Variants in OTUD3 observed in about 807,000 individuals in gnomAD.
OTUD3 encodes OTU domain-containing protein 3.
OTUD3 carries 24 observed loss-of-function variants against 46.2 expected under a neutral mutation model. That is an observed-to-expected ratio of 0.52 (90% CI 0.38 to 0.73). OTUD3 has a LOEUF of 0.73. OTUD3 is among the 30% of genes least tolerant of loss of function. The probability of loss-of-function intolerance (pLI) is 0.00; values close to 1 mark genes in which losing one functional copy is unlikely to be tolerated. For synonymous variants in OTUD3, 189 were observed against 195.4 expected (o/e 0.97, Z 0.27); for missense variants, 455 against 523.3 (o/e 0.87, Z 1.27).
chr1:19,892,169 G>A (rs764327191), intron 2 of OTUD3, among the ~76,000 whole-genome samples: 2 of 152,186 alleles, frequency 1.3e-5, no homozygotes, highest in Non-Finnish European at 2.9e-5. Flanking sequence ...ATGTCACTAT[G>A]CATGCCTGTT....
chr1:19,908,319 C>T lies in OTUD3; in HGVS notation c.*573C>T, dbSNP rs1327075785. 6.6e-6 allele frequency: 1 copy of T among 152,344 alleles called. No individual in the cohort carries two copies. The highest frequency in any genetic ancestry group is 6.5e-5 in the Admixed American group (1 of 15,286). The allele number at this position is 152,344 out of a possible 1,614,324, so 9.4% of individuals were successfully genotyped here. A position where few individuals can be genotyped will look rare whatever the true frequency, so the allele number is the denominator to read the frequency against. ...AAAGTTACGTGAGGGTTGTGGCCTG[C>T]AGTCAGGATGGAAATTAACCGCATT... is the stretch of plus-strand genomic sequence containing the variant. On this transcript the variant is annotated 3_prime_UTR_variant, in exon 8 of 8. Coordinates refer to ENST00000375120, the MANE Select transcript of OTUD3 (RefSeq NM_015207.2).
chr1:19,899,343 G>A (rs956151925), intron 4 of OTUD3, among the ~76,000 whole-genome samples: 15 of 152,092 alleles, frequency 9.9e-5, no homozygotes, highest in African/African-American at 3.6e-4. Flanking sequence ...CCCACCACTA[G>A]TTGTAGCATC....
In OTUD3 at chr1:19,912,868, A is replaced by C. The variant is rs1245713449; in HGVS notation, c.*5122A>C. ...GTTTTTAATCTTCGATACTTGGTGCAATAGAAGCTGCAAAGATGTGCCACT... is the reference window on the plus strand; with the variant it reads ...GTTTTTAATCTTCGATACTTGGTGCCATAGAAGCTGCAAAGATGTGCCACT... On this transcript the variant is annotated 3_prime_UTR_variant, in exon 8 of 8. Transcript: ENST00000375120. The C allele has an allele frequency of 1.3e-5, 2 of 152,372 alleles. No homozygotes were observed. Among genetic ancestry groups the C allele is most frequent in the Non-Finnish European group, 2.9e-5 (2 of 68,044 alleles). The allele number at this position is 152,372 out of a possible 1,614,324, so 9.4% of individuals were successfully genotyped here.
At chr1:19,899,153 T>C (rs2045555715) in intron 4 of OTUD3, among the ~76,000 whole-genome samples, 1 of 152,178 alleles carries the variant, frequency 6.6e-6, no homozygotes, top group Non-Finnish European at 1.5e-5. Flanking sequence ...TGGATTAGAA[T>C]TCAAAATATG....
rs990933093 is a variant in OTUD3 at position 19,900,916 on chromosome 1, G to GTT, written c.606+3272_606+3273dup. Among the ~76,000 whole-genome samples the GTT allele has an allele frequency of 6.5e-3, 747 of 115,690 alleles. 29 individuals carry two copies. Among genetic ancestry groups the GTT allele is most frequent in the African/African-American group, 0.014 (406 of 29,990 alleles). 75.9% of individuals were successfully genotyped at this position (115,690 alleles called of 152,430 possible). ...AAATCCTATTGAGGTTTTTTTTTTT[G>GTT]TTTTTTTTTTTTTTTTTTTGAGACA... On this transcript the variant is annotated intron_variant, in intron 4 of 7. Coordinates refer to ENST00000375120, the MANE Select transcript of OTUD3 (RefSeq NM_015207.2).
chr1:19,910,826 G>T lies in OTUD3; in HGVS notation c.*3080G>T, dbSNP rs865922039. On this transcript the variant is annotated 3_prime_UTR_variant, in exon 8 of 8. Coordinates refer to ENST00000375120, the MANE Select transcript of OTUD3 (RefSeq NM_015207.2). The stretch of plus-strand genomic sequence containing the variant: ...GTGTGAAATGATGTGATTGTCGGGG[G>T]TGGGGTGGGAGGAGGGCCACCTTCA... The T allele has an allele frequency of 6.6e-6, 1 of 152,292 alleles. No individual in the cohort carries two copies. Among genetic ancestry groups the T allele is most frequent in the Non-Finnish European group, 1.5e-5 (1 of 68,088 alleles). The allele number at this position is 152,292 out of a possible 1,614,324, so 9.4% of individuals were successfully genotyped here.
Position 19,907,947 on chromosome 1 carries a change from A to G in OTUD3, c.*201A>G. The G allele has an allele frequency of 2.0e-6, 1 of 500,366 alleles. No individual in the cohort carries two copies. Among genetic ancestry groups the G allele is most frequent in the Non-Finnish European group, 3.5e-6 (1 of 283,784 alleles). The allele number at this position is 500,366 out of a possible 1,614,324, so 31.0% of individuals were successfully genotyped here. A position where few individuals can be genotyped will look rare whatever the true frequency, so the allele number is the denominator to read the frequency against. ...AGTGATATGTTGGTGTTTTATGAAA[A>G]TGCAGTGAGGCCATTCATATTCTGT... On this transcript the variant is annotated 3_prime_UTR_variant, in exon 8 of 8. Coordinates refer to ENST00000375120, the MANE Select transcript of OTUD3 (RefSeq NM_015207.2).
In OTUD3 at chr1:19,907,741, A is replaced by C. The variant is rs757008985; in HGVS notation, c.1192A>C (p.Ile398Leu). The part of the protein sequence containing the change: ...TLVKTFAALN[I>L] ...GGTGAAGACCTTCGCCGCTCTCAAC[A>C]TCTGACTCTTTGGCCTCTTGGGAGT... is the stretch of plus-strand genomic sequence containing the variant. The change falls in exon 8 of 8, where the codon ATC becomes CTC. Residue 398 changes from isoleucine to leucine, a missense_variant. Transcript: ENST00000375120. 1.2e-5 allele frequency: 19 copies of C among 1,613,978 alleles called. No individual in the cohort carries two copies. Among genetic ancestry groups the C allele is most frequent in the Non-Finnish European group, 1.4e-5 (16 of 1,179,878 alleles).
intron 5 of OTUD3, 27 bp downstream of exon 5, chr1:19,904,425 A>ATT: frequency 1.9e-6 from 3 of 1,597,144 alleles, no homozygotes; most frequent in Non-Finnish European, 2.6e-6. Flanking sequence ...TGCAGGAATG[A>ATT]TTTAGAAGCA....
At chr1:19,890,555 G>A in intron 2 of OTUD3, 22 bp downstream of exon 2, 2 of 1,610,072 alleles carry the variant, frequency 1.2e-6, no homozygotes, top group Non-Finnish European at 1.7e-6. Context: ...GTGGGACATT[G>A]TGTCCTTCAG....
At chr1:19,900,427 C>T (rs1372960172) in intron 4 of OTUD3, among the ~76,000 whole-genome samples, 1 of 151,992 alleles carries the variant, frequency 6.6e-6, no homozygotes, top group Non-Finnish European at 1.5e-5. Context: ...TGGACTCAAG[C>T]AACCCTCCTG....
At chr1:19,884,388 C>G (rs902330656) in intron 1 of OTUD3, among the ~76,000 whole-genome samples, 1 of 152,066 alleles carries the variant, frequency 6.6e-6, no homozygotes, top group South Asian at 2.1e-4. Flanking sequence ...ATCCCCACAC[C>G]CCCATACACA....
intron 4 of OTUD3, among the ~76,000 whole-genome samples, chr1:19,898,388 A>T (rs1338331367): frequency 1.3e-5 from 2 of 152,200 alleles, no homozygotes; most frequent in Admixed American, 1.3e-4. Context: ...ATGCATTAAA[A>T]CATGGTTGAC....
At position 19,912,418 on chromosome 1, in the gene OTUD3, C is replaced by G. The variant is rs527663109; in HGVS notation, c.*4672C>G. ...CCCTTGGCCTCCCCAGTGCCTCTTC[C>G]AGAGCCTCCACCAGCACTAAGCTCA... On this transcript the variant is annotated 3_prime_UTR_variant, in exon 8 of 8. Transcript: ENST00000375120. 2.0e-5 allele frequency: 3 copies of G among 152,642 alleles called. No homozygotes were observed. Among genetic ancestry groups the G allele is most frequent in the African/African-American group, 7.3e-5 (3 of 41,146 alleles). The allele number at this position is 152,642 out of a possible 1,614,324, so 9.5% of individuals were successfully genotyped here. A position where few individuals can be genotyped will look rare whatever the true frequency, so the allele number is the denominator to read the frequency against.
chr1:19,907,510 A>G (rs978644705), intron 7 of OTUD3, 60 bp from the exon 8 acceptor site: 2 of 1,538,830 alleles, frequency 1.3e-6, no homozygotes, highest in African/African-American at 1.4e-5. Flanking sequence ...TCTCCCTTCT[A>G]GCAGGTGGCA....
intron 4 of OTUD3, among the ~76,000 whole-genome samples, chr1:19,900,467 G>A (rs2045571603): frequency 6.6e-6 from 1 of 152,004 alleles, no homozygotes; most frequent in Admixed American, 6.6e-5. Context: ...TGAGATTACA[G>A]ATGTAAGCTA....
rs1266969845 is a variant in OTUD3, at chr1:19,911,655, T to A, written c.*3909T>A. 2 of 152,324 alleles carry A rather than the reference T, an allele frequency of 1.3e-5. No individual in the cohort carries two copies. Among genetic ancestry groups the A allele is most frequent in the African/African-American group, 4.8e-5 (2 of 41,434 alleles). The allele number at this position is 152,324 out of a possible 1,614,324, so 9.4% of individuals were successfully genotyped here. On this transcript the variant is annotated 3_prime_UTR_variant, in exon 8 of 8. Coordinates refer to ENST00000375120, the MANE Select transcript of OTUD3 (RefSeq NM_015207.2). ...TGCCCGCCTCAGCCTCCCAAAGTGCTAGGATTACGGGTGTGAGCAACCCTG... is the reference window on the plus strand; with the variant it reads ...TGCCCGCCTCAGCCTCCCAAAGTGCAAGGATTACGGGTGTGAGCAACCCTG...
intron 2 of OTUD3, among the ~76,000 whole-genome samples, chr1:19,892,816 G>A (rs1378608659): frequency 6.6e-6 from 1 of 152,120 alleles, no homozygotes; most frequent in Non-Finnish European, 1.5e-5. Flanking sequence ...ATCTAAATGT[G>A]TTTTTCCTCT....
At chr1:19,883,220 G>A (rs750495192) in intron 1 of OTUD3, among the ~76,000 whole-genome samples, 1 of 152,170 alleles carries the variant, frequency 6.6e-6, no homozygotes, top group Non-Finnish European at 1.5e-5. Flanking sequence ...GTGAAATTAG[G>A]TCGCCTGTTT....
Sources: gnomAD v4.1 joint callset for allele counts (sites outside exome capture counted in the v4.1 genomes callset) on GRCh38, gnomAD v4.1.1 for gene constraint, MANE v1.5 for transcripts, NCBI Gene and HGNC (gene_info 2026-07-23, HGNC 2026-07-21) for gene names.